TEAD1: variants seen among roughly 807,000 people sequenced by gnomAD.
TEAD1 encodes the protein TEA domain transcription factor 1.
TEAD1 carries 9 observed loss-of-function variants against 54.9 expected under a neutral mutation model. That is an observed-to-expected ratio of 0.16 (90% CI 0.10 to 0.29). The LOEUF is 0.29. TEAD1 is among the 10% of genes least tolerant of loss of function. TEAD1 has a pLI of 1.00. For synonymous variants in TEAD1, 200 were observed against 187.8 expected, an observed-to-expected ratio of 1.07 and a Z score of -0.53; for missense variants, 387 against 535.9, an observed-to-expected ratio of 0.72 and a Z score of 2.74.
At chr11:12,904,441 G>A (rs865989464) in intron 10 of TEAD1, among the ~76,000 whole-genome samples, 2 of 152,160 alleles carry the variant, frequency 1.3e-5, no homozygotes, top group African/African-American at 4.8e-5. Flanking sequence ...ATTTGATATT[G>A]TGTTAGAGCA....
chr11:12,820,847 T>G (rs1946529747), intron 3 of TEAD1, among the ~76,000 whole-genome samples: 2 of 152,320 alleles, frequency 1.3e-5, no homozygotes, highest in South Asian at 4.1e-4. Context: ...AAGCGAACAA[T>G]TTTAAGATGA....
intron 3 of TEAD1, among the ~76,000 whole-genome samples, chr11:12,828,618 G>A (rs898649762): frequency 6.0e-5 from 9 of 150,848 alleles, no homozygotes; most frequent in Non-Finnish European, 1.3e-4. Flanking sequence ...TCACAAAACT[G>A]AAGTCAGGCA....
intron 10 of TEAD1, among the ~76,000 whole-genome samples, chr11:12,917,520 ATAT>A (rs1347772826): frequency 6.6e-6 from 1 of 152,172 alleles, no homozygotes; most frequent in East Asian, 1.9e-4. Flanking sequence ...CTGTCTGGCA[ATAT>A]TATTATTATT....
At chr11:12,721,642 A>C (rs1485764695) in intron 2 of TEAD1, among the ~76,000 whole-genome samples, 1 of 152,236 alleles carries the variant, frequency 6.6e-6, no homozygotes, top group East Asian at 1.9e-4. Flanking sequence ...GCATTATGCT[A>C]AGCATGGACA....
chr11:12,808,622 A>G (rs977289326), intron 3 of TEAD1, among the ~76,000 whole-genome samples: 4 of 151,994 alleles, frequency 2.6e-5, no homozygotes, highest in African/African-American at 4.8e-5. Flanking sequence ...ACTGCCCTCT[A>G]TTTGTGGAGA....
chr11:12,889,672 C>T (rs943959544), intron 9 of TEAD1, among the ~76,000 whole-genome samples: 3 of 152,164 alleles, frequency 2.0e-5, no homozygotes, highest in Admixed American at 2.0e-4. Flanking sequence ...GGAACAAACC[C>T]GATCAGGGAA....
chr11:12,832,993 T>G (rs1277755540), intron 3 of TEAD1, among the ~76,000 whole-genome samples: 5 of 152,244 alleles, frequency 3.3e-5, no homozygotes, highest in Non-Finnish European at 7.3e-5. Context: ...GTTGTCCAAG[T>G]CAATTGTGAT....
At chr11:12,784,271 A>G (rs1945628456) in intron 3 of TEAD1, among the ~76,000 whole-genome samples, 1 of 152,074 alleles carries the variant, frequency 6.6e-6, no homozygotes, top group African/African-American at 2.4e-5. Flanking sequence ...AGGGGAGACA[A>G]GTTGTAAGGG....
chr11:12,849,783 C>T (rs1947231198), intron 3 of TEAD1, among the ~76,000 whole-genome samples: 1 of 152,158 alleles, frequency 6.6e-6, no homozygotes, highest in Admixed American at 6.5e-5. Flanking sequence ...CTATACTTAC[C>T]TTCTGGCAAA....
At chr11:12,761,833 T>G (rs577493683) in intron 2 of TEAD1, among the ~76,000 whole-genome samples, 1 of 152,300 alleles carries the variant, frequency 6.6e-6, no homozygotes, top group Admixed American at 6.5e-5. Flanking sequence ...TTTCAACATG[T>G]CAGTATGAAG....
intron 3 of TEAD1, among the ~76,000 whole-genome samples, chr11:12,813,873 G>A (rs1174670517): frequency 6.6e-6 from 1 of 152,146 alleles, no homozygotes; most frequent in Non-Finnish European, 1.5e-5. Flanking sequence ...TACACCTTGA[G>A]TCACCAGCCA....
At chr11:12,888,212 T>C (rs1948129501) in intron 9 of TEAD1, among the ~76,000 whole-genome samples, 1 of 152,152 alleles carries the variant, frequency 6.6e-6, no homozygotes, top group Admixed American at 6.5e-5. Context: ...TAAGACAAGA[T>C]AAGACATGAT....
In TEAD1 at chr11:12,805,126, T is replaced by G. The variant is rs565207174; in HGVS notation, c.202+40692T>G. On this transcript the variant is annotated intron_variant, in intron 3 of 12. Coordinates refer to ENST00000527636, the MANE Select transcript of TEAD1 (RefSeq NM_021961.6). ...TATTGAAGCAGGGATCAAAAGACCA[T>G]TTGGTGGCTTACTGTGAAGGTCAAC... 2.6e-5 allele frequency among the ~76,000 whole-genome samples: 4 copies of G among 152,282 alleles called. No homozygotes were observed. In the East Asian group the frequency reaches 7.7e-4, roughly 29 times the overall value.
chr11:12,781,289 A>G (rs1027718321), intron 3 of TEAD1, among the ~76,000 whole-genome samples: 2 of 152,234 alleles, frequency 1.3e-5, no homozygotes, highest in Non-Finnish European at 2.9e-5. Flanking sequence ...TAGATGTGAC[A>G]ACAAAAGTAT....
At chr11:12,717,036 A>G (rs1264985283) in intron 2 of TEAD1, among the ~76,000 whole-genome samples, 4 of 152,212 alleles carry the variant, frequency 2.6e-5, no homozygotes, top group Non-Finnish European at 4.4e-5. Flanking sequence ...CTCACATACC[A>G]TAGTTTGCTG....
At chr11:12,865,146 CAA>C (rs1947592108) in intron 5 of TEAD1, 6 of 552,076 alleles carry the variant, frequency 1.1e-5, no homozygotes, top group Non-Finnish European at 1.6e-5. Flanking sequence ...TTCCTAATAA[CAA>C]TGCAAATGCA....
intron 5 of TEAD1, among the ~76,000 whole-genome samples, chr11:12,868,295 C>G (rs1947666010): frequency 6.6e-6 from 1 of 152,144 alleles, no homozygotes; most frequent in Non-Finnish European, 1.5e-5. Flanking sequence ...TTAGGCTATT[C>G]CATTGAATCA....
intron 2 of TEAD1, among the ~76,000 whole-genome samples, chr11:12,737,648 G>A (rs905682869): frequency 6.6e-6 from 1 of 152,182 alleles, no homozygotes; most frequent in African/African-American, 2.4e-5. Flanking sequence ...GTCTGGATGT[G>A]CCTAGCTTAT....
chr11:12,872,566 T>C (rs1282425577), intron 5 of TEAD1, among the ~76,000 whole-genome samples: 1 of 152,192 alleles, frequency 6.6e-6, no homozygotes, highest in East Asian at 1.9e-4. Context: ...GCCAACAGTG[T>C]GGTGATGGAG....
Sources: allele counts gnomAD v4.1 joint callset (sites outside exome capture counted in the v4.1 genomes callset), GRCh38; gene constraint gnomAD v4.1.1; transcripts MANE v1.5; gene names NCBI Gene and HGNC (gene_info 2026-07-23, HGNC 2026-07-21).